Variants in FHL2 observed in about 807,000 individuals in gnomAD.
FHL2 encodes four and a half LIM domains protein 2.
In FHL2, 20 loss-of-function variants were observed where a neutral mutation model predicts 32.7. That is an observed-to-expected ratio of 0.61 (90% CI 0.43 to 0.89). The LOEUF is 0.89. Among genes scored for constraint, FHL2 ranks in the 40% least tolerant of loss-of-function variants. The pLI is 0.00. For missense variants in FHL2, 311 were observed against 358.6 expected (o/e 0.87, Z 1.07); for synonymous variants, 123 against 128.1 (o/e 0.96, Z 0.27).
rs533077027 is a variant in FHL2 at position 105,384,509 on chromosome 2, T to G, written c.156+1852A>C. 2.0e-4 allele frequency among the ~76,000 whole-genome samples: 30 copies of G among 152,214 alleles called. 1 individual carries two copies. In the South Asian group the frequency reaches 5.6e-3, roughly 28 times the overall value. The stretch of plus-strand genomic sequence containing the variant: ...AGCAGACCCCTGGTTCTCCCCAGTT[T>G]TTTTTGGGTCTTTTTTGAGACAGAG... On this transcript the variant is annotated intron_variant, in intron 3 of 6. Coordinates refer to ENST00000530340, the MANE Select transcript of FHL2 (RefSeq NM_001318895.3).
intron 1 of FHL2, among the ~76,000 whole-genome samples, chr2:105,429,198 C>A (rs1684350839): frequency 1.3e-5 from 2 of 152,268 alleles, no homozygotes; most frequent in South Asian, 4.1e-4. Context: ...CTTTGCCCCA[C>A]AATATGATGG....
At chr2:105,399,309 T>C, upstream of FHL2, 4 of 1,535,738 alleles carry the variant, frequency 2.6e-6, no homozygotes, top group Non-Finnish European at 3.5e-6. Context: ...GCGTGGGCTC[T>C]CGGGCGCGAG....
upstream of FHL2, among the ~76,000 whole-genome samples, chr2:105,400,297 CA>C (rs1179931246): frequency 3.3e-5 from 5 of 152,200 alleles, no homozygotes; most frequent in Non-Finnish European, 7.3e-5. Context: ...ATCCCTCAGT[CA>C]CTCAGGTGAC....
intron 2 of FHL2, 56 bp downstream of exon 2, chr2:105,396,591 G>T: frequency 6.7e-7 from 1 of 1,487,050 alleles, no homozygotes; most frequent in Non-Finnish European, 9.4e-7. Flanking sequence ...AACCATCACA[G>T]TAGCTAAAAC....
intron 1 of FHL2, among the ~76,000 whole-genome samples, chr2:105,427,601 C>T (rs1489379816): frequency 6.6e-6 from 1 of 152,062 alleles, no homozygotes; most frequent in Admixed American, 6.5e-5. Context: ...GAACAGAGGC[C>T]CTTGTGAGGG....
In FHL2 at chr2:105,361,298, A is replaced by G; in HGVS notation, c.825T>C (p.Cys275=). The G allele has an allele frequency of 6.2e-7, 1 of 1,613,214 alleles. No individual in the cohort carries two copies. The highest frequency in any genetic ancestry group is 8.5e-7 in the Non-Finnish European group (1 of 1,179,648). ...TERDDILCPD[C]GKDI ...TGTGTTGAATTCAGATGTCTTTCCC[A>G]CAGTCGGGGCACAGGATGTCGTCCC... The change falls in exon 7 of 7, where the codon TGT becomes TGC. Residue 275 remains cysteine (C), a synonymous_variant. Transcript: ENST00000530340.
upstream of FHL2, chr2:105,399,442 T>C: frequency 6.5e-7 from 1 of 1,535,604 alleles, no homozygotes; most frequent in Non-Finnish European, 8.7e-7. Context: ...GAGGAGGGGG[T>C]CACTTCTCAG....
chr2:105,409,208 T>C (rs1254737074), intron 1 of FHL2, among the ~76,000 whole-genome samples: 1 of 152,036 alleles, frequency 6.6e-6, no homozygotes, highest in Non-Finnish European at 1.5e-5. Context: ...AAAGAGACTA[T>C]GGGGAGAGCA....
intron 1 of FHL2, among the ~76,000 whole-genome samples, chr2:105,425,580 G>A (rs796354522): frequency 9.6e-4 from 133 of 137,832 alleles, no homozygotes; most frequent in Admixed American, 1.5e-3. Context: ...TGAATGTCTC[G>A]GTGTAAAACC....
chr2:105,411,544 T>TC (rs1374954273), intron 1 of FHL2, among the ~76,000 whole-genome samples: 1 of 141,344 alleles, frequency 7.1e-6, no homozygotes, highest in Non-Finnish European at 1.5e-5. Flanking sequence ...TAGGGTTTTT[T>TC]TTTTTTTTTT....
At chr2:105,416,953 G>A (rs1326376757) in intron 1 of FHL2, among the ~76,000 whole-genome samples, 1 of 152,338 alleles carries the variant, frequency 6.6e-6, no homozygotes, top group African/African-American at 2.4e-5. Context: ...TCTTCCAAGT[G>A]AAAATGGAAG....
chr2:105,374,188 G>T (rs1681301256), intron 3 of FHL2: 1 of 233,600 alleles, frequency 4.3e-6, no homozygotes, highest in East Asian at 1.1e-4. Flanking sequence ...GTGTCGGGAT[G>T]TTCACAGGAG....
chr2:105,412,610 G>A (rs531258001), intron 1 of FHL2, among the ~76,000 whole-genome samples: 1 of 152,344 alleles, frequency 6.6e-6, no homozygotes, highest in South Asian at 2.1e-4. Flanking sequence ...AGGAGAGTGA[G>A]TGAGGTCGTG....
Position 105,374,109 on chromosome 2 carries a change from C to T in FHL2, c.157-376G>A, listed in dbSNP as rs145467709. ...GGTGACAGAGAAACAGACTGCAGGA[C>T]ATCCTTGGCTGAGGGAGCCCTGCCC... On this transcript the variant is annotated intron_variant, in intron 3 of 6. Coordinates refer to ENST00000530340, the MANE Select transcript of FHL2 (RefSeq NM_001318895.3). 1.4e-3 allele frequency: 430 copies of T among 301,062 alleles called. 4 individuals carry two copies. The highest frequency in any genetic ancestry group is 8.7e-3 in the African/African-American group (400 of 46,174). 18.6% of individuals were successfully genotyped at this position (301,062 alleles called of 1,614,324 possible).
intron 4 of FHL2, 119 bp from the exon 5 acceptor site, chr2:105,367,858 C>G (rs1680747987): frequency 2.1e-6 from 2 of 957,782 alleles, no homozygotes; most frequent in South Asian, 1.7e-5. Context: ...GCCACTTCAG[C>G]TCTTGAAGGC....
chr2:105,385,036 G>A (rs1682199604), intron 3 of FHL2, among the ~76,000 whole-genome samples: 1 of 152,248 alleles, frequency 6.6e-6, no homozygotes, highest in Non-Finnish European at 1.5e-5. Flanking sequence ...ACAACTTTTA[G>A]AGTAGCCAGA....
Position 105,371,296 on chromosome 2 carries a change from C to T in FHL2, c.331+2263G>A, listed in dbSNP as rs144151929. Among the ~76,000 whole-genome samples the T allele has an allele frequency of 3.9e-3, 587 of 152,240 alleles. 3 individuals carry two copies. The highest frequency in any genetic ancestry group is 7.0e-3 in the Non-Finnish European group (477 of 68,018). On this transcript the variant is annotated intron_variant, in intron 4 of 6. Transcript: ENST00000530340. ...CGAGTGCAGCACGTTACCCACGTAT[C>T]AGGGCCGGGCTTCATCTAATCGGTA...
chr2:105,427,141 A>T (rs1363419633), intron 1 of FHL2, among the ~76,000 whole-genome samples: 1 of 152,102 alleles, frequency 6.6e-6, no homozygotes, highest in Non-Finnish European at 1.5e-5. Flanking sequence ...GGGGACTGCA[A>T]ATTTTGGTGG....
chr2:105,402,272 A>T (rs1007627537), upstream of FHL2, among the ~76,000 whole-genome samples: 1 of 151,346 alleles, frequency 6.6e-6, no homozygotes, highest in African/African-American at 2.4e-5. Context: ...TTTGAGATGG[A>T]GTCTTGCTCT....
Sources: allele counts gnomAD v4.1 joint callset (sites outside exome capture counted in the v4.1 genomes callset), GRCh38; gene constraint gnomAD v4.1.1; transcripts MANE v1.5; gene names NCBI Gene and HGNC (gene_info 2026-07-23, HGNC 2026-07-21).